NUTF2: variants seen among roughly 807,000 people sequenced by gnomAD.
NUTF2 encodes the protein nuclear transport factor 2, also known as placental protein 15.
Under a neutral mutation model 18.5 loss-of-function variants are expected in NUTF2, and 3 were observed. That is an observed-to-expected ratio of 0.16 (90% confidence interval 0.07 to 0.42). The LOEUF (loss-of-function observed/expected upper bound fraction) is 0.42. Ranked by LOEUF, NUTF2 falls within the 10% of genes least tolerant of loss-of-function variation. The pLI is 0.99. For missense variants in NUTF2, 44 were observed against 160.7 expected (o/e 0.27, Z 3.93); for synonymous variants, 51 against 57.9 (o/e 0.88, Z 0.54).
chr16:67,849,764 T>C (rs2057839109), intron 1 of NUTF2, among the ~76,000 whole-genome samples: 1 of 151,972 alleles, frequency 6.6e-6, no homozygotes. Flanking sequence ...GTTCACAGCA[T>C]TCTCCTGCCT....
At chr16:67,868,250 C>T in intron 2 of NUTF2, 90 bp from the exon 3 acceptor site, 3 of 1,197,312 alleles carry the variant, frequency 2.5e-6, no homozygotes, top group Non-Finnish European at 3.6e-6. Context: ...CACACTTCTC[C>T]AAGCAAGGCC....
chr16:67,866,737 G>A (rs547082841), intron 2 of NUTF2, among the ~76,000 whole-genome samples: 1 of 152,210 alleles, frequency 6.6e-6, no homozygotes, highest in South Asian at 2.1e-4. Flanking sequence ...AAAGTGCTGG[G>A]ATTACAGGCA....
chr16:67,860,461 A>G (rs765436752), intron 1 of NUTF2, among the ~76,000 whole-genome samples: 1 of 151,538 alleles, frequency 6.6e-6, no homozygotes, highest in African/African-American at 2.4e-5. Context: ...TTTTTTGTAG[A>G]TATGGGGCTT....
At chr16:67,855,117 G>T (rs1270309412) in intron 1 of NUTF2, among the ~76,000 whole-genome samples, 21 of 152,132 alleles carry the variant, frequency 1.4e-4, no homozygotes, top group Admixed American at 1.4e-3. Context: ...GTGATTCTGT[G>T]ATTCTCTCTT....
chr16:67,861,043 G>T (rs529672419), intron 1 of NUTF2, among the ~76,000 whole-genome samples: 1 of 152,184 alleles, frequency 6.6e-6, no homozygotes, highest in Non-Finnish European at 1.5e-5. Flanking sequence ...AGAGAGCCAG[G>T]CTCAGAGGAG....
intron 1 of NUTF2, among the ~76,000 whole-genome samples, 180 bp from the exon 2 acceptor site, chr16:67,864,922 C>G (rs529097187): frequency 1.4e-4 from 21 of 152,286 alleles, no homozygotes; most frequent in Non-Finnish European, 2.8e-4. Context: ...CCTCTGGGCT[C>G]CTAGCACTGG....
At chr16:67,867,541 A>G (rs994786503) in intron 2 of NUTF2, among the ~76,000 whole-genome samples, 3 of 151,970 alleles carry the variant, frequency 2.0e-5, no homozygotes, top group African/African-American at 7.3e-5. Context: ...GGTGGTAGGG[A>G]GGGTCCCAGA....
intron 1 of NUTF2, among the ~76,000 whole-genome samples, chr16:67,864,226 C>T (rs1266552155): frequency 6.6e-6 from 1 of 152,108 alleles, no homozygotes; most frequent in Non-Finnish European, 1.5e-5. Flanking sequence ...GAGGAGGGCC[C>T]TTGGCTGGGT....
intron 1 of NUTF2, among the ~76,000 whole-genome samples, chr16:67,863,775 A>T (rs958604743): frequency 6.6e-6 from 1 of 152,186 alleles, no homozygotes; most frequent in Non-Finnish European, 1.5e-5. Flanking sequence ...GGGGCCATCC[A>T]CAGAAAAACA....
chr16:67,856,026 T>C, intron 1 of NUTF2: 1 of 912,420 alleles, frequency 1.1e-6, no homozygotes, highest in Non-Finnish European at 1.8e-6. Context: ...CGTACTGTCT[T>C]GCTCAGGGGC....
chr16:67,850,384 T>G (rs1196881715), intron 1 of NUTF2, among the ~76,000 whole-genome samples: 1 of 151,806 alleles, frequency 6.6e-6, no homozygotes, highest in Non-Finnish European at 1.5e-5. Flanking sequence ...TTTTGTGTGT[T>G]TTTAGTAGAG....
At chr16:67,863,143 G>A (rs549532674) in intron 1 of NUTF2, among the ~76,000 whole-genome samples, 3 of 152,258 alleles carry the variant, frequency 2.0e-5, no homozygotes, top group Non-Finnish European at 2.9e-5. Flanking sequence ...CTGACCTCTT[G>A]GAAATGTGAC....
In NUTF2 at chr16:67,865,032, T is replaced by C. The variant is rs370962702; in HGVS notation, c.-29-70T>C. The C allele has an allele frequency of 4.8e-5, 34 of 715,478 alleles. No individual in the cohort carries two copies. The East Asian group carries it at 6.0e-4, about 13-fold the overall frequency. 44.3% of individuals were successfully genotyped at this position (715,478 alleles called of 1,614,324 possible). A position where few individuals can be genotyped will look rare whatever the true frequency, so the allele number is the denominator to read the frequency against. ...GGACTCCAGGAAGGCCAGTGAGGGG[T>C]GGGGGTCAGTGGCTGGTCACCTACT... On this transcript the variant is annotated intron_variant, in intron 1 of 4. Coordinates refer to ENST00000219169, the MANE Select transcript of NUTF2 (RefSeq NM_005796.3).
intron 1 of NUTF2, among the ~76,000 whole-genome samples, chr16:67,864,564 C>T (rs149462281): frequency 3.9e-4 from 59 of 151,748 alleles, no homozygotes; most frequent in African/African-American, 1.1e-3. Flanking sequence ...TCCCCACATC[C>T]TCACTGGGTC....
At chr16:67,850,120 A>G (rs1277597019) in intron 1 of NUTF2, among the ~76,000 whole-genome samples, 1 of 151,890 alleles carries the variant, frequency 6.6e-6, no homozygotes. Flanking sequence ...GGACAAAAAG[A>G]TACTTTTCCT....
At chr16:67,861,287 C>G (rs2057934067) in intron 1 of NUTF2, among the ~76,000 whole-genome samples, 1 of 152,234 alleles carries the variant, frequency 6.6e-6, no homozygotes, top group East Asian at 1.9e-4. Context: ...TTGCACATTT[C>G]TGTGCCTCAT....
intron 1 of NUTF2, among the ~76,000 whole-genome samples, chr16:67,864,406 G>T (rs866981029): frequency 2.0e-5 from 3 of 152,000 alleles, no homozygotes; most frequent in Middle Eastern, 6.8e-3. Context: ...CTACTCTGGA[G>T]GCTGAGGCAA....
intron 2 of NUTF2, among the ~76,000 whole-genome samples, chr16:67,865,861 G>A (rs932899301): frequency 1.3e-5 from 2 of 151,952 alleles, no homozygotes; most frequent in African/African-American, 4.8e-5. Flanking sequence ...TGGGATTACA[G>A]GCGCCTGCCC....
chr16:67,860,928 G>A (rs1319056716), intron 1 of NUTF2, among the ~76,000 whole-genome samples: 1 of 152,204 alleles, frequency 6.6e-6, no homozygotes, highest in African/African-American at 2.4e-5. Flanking sequence ...CATCCTCCAT[G>A]AAAACTCCTG....
Sources: gnomAD v4.1 joint callset for allele counts (sites outside exome capture counted in the v4.1 genomes callset) on GRCh38, gnomAD v4.1.1 for gene constraint, MANE v1.5 for transcripts, NCBI Gene and HGNC (gene_info 2026-07-23, HGNC 2026-07-21) for gene names.